Variants in MAGI2 observed in about 807,000 individuals in gnomAD.
MAGI2 encodes membrane-associated guanylate kinase, WW and PDZ domain-containing protein 2.
MAGI2 carries 35 observed loss-of-function variants against 133.3 expected under a neutral mutation model. The observed-to-expected ratio is 0.26, with a 90% CI of 0.20 to 0.35. The LOEUF is 0.35. MAGI2 is among the 10% of genes least tolerant of loss of function. The pLI is 1.00. For missense variants in MAGI2, 1,636 were observed against 1,863.4 expected (o/e 0.88, Z 2.25); for synonymous variants, 729 against 710.6 (o/e 1.03, Z -0.41).
At chr7:79,057,960 G>GTT (rs34071701) in intron 1 of MAGI2, among the ~76,000 whole-genome samples, 4,652 of 145,798 alleles carry the variant, frequency 0.032, 214 homozygotes, top group African/African-American at 0.095. Context: ...GGCTCTATTA[G>GTT]TTTTTTTTTT....
At chr7:79,141,343 C>G (rs1329121806) in intron 1 of MAGI2, among the ~76,000 whole-genome samples, 1 of 152,144 alleles carries the variant, frequency 6.6e-6, no homozygotes, top group Non-Finnish European at 1.5e-5. Context: ...TTTCACTATA[C>G]AGAAAGTTAC....
At chr7:79,028,054 A>T in intron 1 of MAGI2, among the ~76,000 whole-genome samples, 1 of 151,432 alleles carries the variant, frequency 6.6e-6, no homozygotes, top group Non-Finnish European at 1.5e-5. Context: ...TCTACTAAAA[A>T]TACAAAAATT....
intron 16 of MAGI2, among the ~76,000 whole-genome samples, chr7:78,152,843 T>C (rs1042762612): frequency 6.6e-6 from 1 of 152,206 alleles, no homozygotes; most frequent in Non-Finnish European, 1.5e-5. Context: ...TGAGCCACTC[T>C]CAGCATAATC....
At chr7:79,069,908 T>C (rs1814783094) in intron 1 of MAGI2, among the ~76,000 whole-genome samples, 1 of 152,216 alleles carries the variant, frequency 6.6e-6, no homozygotes, top group South Asian at 2.1e-4. Flanking sequence ...AAAATTCTTT[T>C]CTTTAAGAAT....
intron 2 of MAGI2, among the ~76,000 whole-genome samples, chr7:78,707,032 A>G (rs993659632): frequency 1.3e-5 from 2 of 151,932 alleles, no homozygotes; most frequent in African/African-American, 4.8e-5. Context: ...TGGAATCTAC[A>G]TTGTGAAACT....
At chr7:78,323,552 A>C (rs1194271339) in intron 9 of MAGI2, among the ~76,000 whole-genome samples, 1 of 152,190 alleles carries the variant, frequency 6.6e-6, no homozygotes, top group Non-Finnish European at 1.5e-5. Flanking sequence ...CCAGCCCTGG[A>C]ATCCTGCTTC....
At chr7:78,502,928 A>C (rs1794749520) in intron 4 of MAGI2, among the ~76,000 whole-genome samples, 1 of 152,246 alleles carries the variant, frequency 6.6e-6, no homozygotes, top group Non-Finnish European at 1.5e-5. Context: ...AGATTGAAAT[A>C]GTTCACTGAA....
chr7:78,617,454 C>T (rs1164810316), intron 3 of MAGI2: 1 of 152,022 alleles, frequency 6.6e-6, no homozygotes, highest in Non-Finnish European at 1.5e-5. Context: ...CATATAGATA[C>T]AACCTATAAC....
intron 2 of MAGI2, among the ~76,000 whole-genome samples, chr7:78,711,748 G>A (rs1819212205): frequency 2.0e-5 from 3 of 152,194 alleles, no homozygotes; most frequent in African/African-American, 4.8e-5. Flanking sequence ...TGAAGTTCTT[G>A]TGAAAGTTTG....
At chr7:78,792,438 A>AC (rs1273281568) in intron 2 of MAGI2, among the ~76,000 whole-genome samples, 2 of 152,250 alleles carry the variant, frequency 1.3e-5, no homozygotes, top group East Asian at 3.8e-4. Flanking sequence ...ACCGCTATAG[A>AC]GATTTATCAA....
At chr7:78,151,035 T>A (rs1009052415) in intron 16 of MAGI2, among the ~76,000 whole-genome samples, 1 of 148,120 alleles carries the variant, frequency 6.8e-6, no homozygotes, top group Non-Finnish European at 1.5e-5. Context: ...ATCAGGGGAC[T>A]TGGAGTTTGA....
At chr7:78,261,507 C>T (rs1793515919) in intron 9 of MAGI2, among the ~76,000 whole-genome samples, 1 of 152,232 alleles carries the variant, frequency 6.6e-6, no homozygotes, top group East Asian at 1.9e-4. Flanking sequence ...ATATACAGAG[C>T]ATCATTACTA....
rs576366664 is a variant in MAGI2 at position 78,469,243 on chromosome 7, T to C, written c.1045+20518A>G. Among the ~76,000 whole-genome samples the C allele has an allele frequency of 5.3e-4, 81 of 152,254 alleles. 1 individual carries two copies. The highest frequency in any genetic ancestry group is 1.9e-3 in the African/African-American group (77 of 41,572). On this transcript the variant is annotated intron_variant, in intron 6 of 21. Transcript: ENST00000354212. ...ACGTAACTGACTACTATTCATGAAA[T>C]AGCCTAGAACTAGAATCATTAGCCA...
At chr7:79,139,983 G>A (rs1279435994) in intron 1 of MAGI2, 1 of 152,158 alleles carries the variant, frequency 6.6e-6, no homozygotes, top group Non-Finnish European at 1.5e-5. Flanking sequence ...CTTAAATGCT[G>A]CTCTGATACC....
intron 3 of MAGI2, among the ~76,000 whole-genome samples, chr7:78,569,315 G>A (rs79698903): frequency 0.016 from 2,371 of 152,244 alleles, 46 homozygotes; most frequent in East Asian, 0.086. Flanking sequence ...TATTCTGAGG[G>A]CATAGTACAT....
chr7:78,903,798 A>G (rs1797800873), intron 2 of MAGI2, among the ~76,000 whole-genome samples: 1 of 152,148 alleles, frequency 6.6e-6, no homozygotes, highest in African/African-American at 2.4e-5. Flanking sequence ...TAAATTGTGG[A>G]ACTGACTGAA....
At chr7:79,121,148 G>A (rs1819856654) in intron 1 of MAGI2, among the ~76,000 whole-genome samples, 1 of 152,040 alleles carries the variant, frequency 6.6e-6, no homozygotes. Context: ...CAATAAAATA[G>A]TTTATTAAAT....
chr7:78,286,396 T>C (rs559830527), intron 9 of MAGI2, among the ~76,000 whole-genome samples: 5 of 152,116 alleles, frequency 3.3e-5, no homozygotes, highest in African/African-American at 4.8e-5. Flanking sequence ...ATATGAAATA[T>C]TTTGGGAACC....
intron 10 of MAGI2, chr7:78,251,742 C>G (rs888286749): frequency 2.6e-5 from 4 of 152,154 alleles, no homozygotes; most frequent in African/African-American, 9.7e-5. Flanking sequence ...GATATACTAT[C>G]TTTATGAATT....
Sources: allele counts gnomAD v4.1 joint callset (sites outside exome capture counted in the v4.1 genomes callset), GRCh38; gene constraint gnomAD v4.1.1; transcripts MANE v1.5; gene names NCBI Gene and HGNC (gene_info 2026-07-23, HGNC 2026-07-21).